RTN1: variants seen among roughly 807,000 people sequenced by gnomAD.
RTN1 encodes reticulon 1.
Under a neutral mutation model 65.5 loss-of-function variants are expected in RTN1, and 25 were observed. The observed-to-expected ratio is 0.38, with a 90% confidence interval of 0.28 to 0.53. The LOEUF (loss-of-function observed/expected upper bound fraction) is 0.53. RTN1 is among the 20% of genes least tolerant of loss of function. RTN1 has a pLI of 0.79. For missense variants in RTN1, 983 were observed against 1,025.4 expected (o/e 0.96, Z 0.57); for synonymous variants, 471 against 447.6 (o/e 1.05, Z -0.66).
chr14:59,747,526 T>C (rs940786177), intron 1 of RTN1, among the ~76,000 whole-genome samples: 5 of 152,194 alleles, frequency 3.3e-5, no homozygotes, highest in Non-Finnish European at 5.9e-5. Context: ...GGAGAATTGC[T>C]TGAACCCAGG....
chr14:59,610,397 C>A (rs530375282), intron 3 of RTN1, among the ~76,000 whole-genome samples: 3 of 152,180 alleles, frequency 2.0e-5, no homozygotes, highest in Admixed American at 1.3e-4. Flanking sequence ...CACTTTGCAA[C>A]AATATTATCT....
intron 1 of RTN1, among the ~76,000 whole-genome samples, chr14:59,851,534 T>TA (rs1887507074): frequency 1.3e-5 from 2 of 151,314 alleles, no homozygotes; most frequent in African/African-American, 2.4e-5. Flanking sequence ...AAAAATATGA[T>TA]TTTTTTTTGT....
intron 1 of RTN1, among the ~76,000 whole-genome samples, chr14:59,781,270 AT>A (rs1886150358): frequency 1.3e-5 from 2 of 151,800 alleles, no homozygotes. Flanking sequence ...CTCTTGGGCC[AT>A]TTTCTTTGTT....
chr14:59,727,484 G>T lies in RTN1; in HGVS notation c.1200C>A (p.Asp400Glu). The change falls in exon 3 of 9, where the codon GAC (aspartate) becomes GAA (glutamate). Residue 400 changes from aspartate (D) to glutamate (E), a missense_variant. By Grantham distance (45) the Asp-to-Glu change is conservative. Coordinates refer to ENST00000267484, the MANE Select transcript of RTN1 (RefSeq NM_021136.3). This position sits in a 1 kb window ranked among gnomAD's most constrained non-coding sequence, Gnocchi z 4.2. ...SGPPTIPSPL[D>E]HEASSAESGD... ...CCGACTCCGCGCTGCTGGCCTCGTG[G>T]TCCAGGGGGCTGGGGATGGTTGGCG... 6.3e-7 allele frequency: 1 copy of T among 1,584,974 alleles called. No individual in the cohort carries two copies. Among genetic ancestry groups the T allele is most frequent in the Non-Finnish European group, 8.6e-7 (1 of 1,166,276 alleles).
chr14:59,746,122 T>C lies in RTN1; in HGVS notation c.601A>G (p.Arg201Gly). The C allele has an allele frequency of 1.2e-6, 2 of 1,611,356 alleles. No individual in the cohort carries two copies. ...AEAYKYIDIT[R>G]PEEVKHQEQH... ...TCTTGGTGCTTCACCTCCTCGGGTC[T>C]GGTTATGTCAATGTATTTATAGGCC... is the stretch of plus-strand genomic sequence containing the variant. Residue 201 changes from arginine (R) to glycine (G), a missense_variant, in exon 2 of 9, where the codon AGA becomes GGA. Physicochemically the swap from Arg to Gly is moderately radical, Grantham distance 125. Transcript: ENST00000267484.
intron 3 of RTN1, among the ~76,000 whole-genome samples, chr14:59,651,022 A>T (rs1367140264): frequency 1.3e-5 from 2 of 151,882 alleles, no homozygotes; most frequent in East Asian, 1.9e-4. Flanking sequence ...AAACTAGAAA[A>T]AAACTATTTT....
At chr14:59,792,855 T>G (rs896019941) in intron 1 of RTN1, among the ~76,000 whole-genome samples, 1 of 152,158 alleles carries the variant, frequency 6.6e-6, no homozygotes, top group Admixed American at 6.6e-5. Flanking sequence ...AGGGAATTAT[T>G]AAAAAGCAAT....
rs750467377 is a variant in RTN1 at position 59,746,450 on chromosome 14, G to A, written c.273C>T (p.His91=). The change falls in exon 2 of 9, where the codon CAC becomes CAT. Residue 91 remains histidine (H), a synonymous_variant. Transcript: ENST00000267484. The part of the protein sequence containing the change: ...GVAGVSSAMD[H]TFSTTSKDGE... The stretch of plus-strand genomic sequence containing the variant: ...CATCTTTTGATGTTGTTGAGAAGGT[G>A]TGGTCCATGGCACTGGAAACACCTG... The A allele has an allele frequency of 3.7e-6, 6 of 1,604,486 alleles. No homozygotes were observed. Among genetic ancestry groups the A allele is most frequent in the Non-Finnish European group, 5.1e-6 (6 of 1,175,396 alleles).
chr14:59,742,287 C>G (rs191195401), intron 2 of RTN1, among the ~76,000 whole-genome samples: 2 of 152,290 alleles, frequency 1.3e-5, no homozygotes, highest in East Asian at 3.9e-4. Flanking sequence ...AGGCTAATAG[C>G]TCACATAACA....
In RTN1 at chr14:59,846,512, A is replaced by G. The variant is rs1467889304; in HGVS notation, c.241+23878T>C. ...TTCACCTCAGAGTCCCTACCCAGAC[A>G]CCCTTCTGTTCAGTGTTTCTCAGTG... On this transcript the variant is annotated intron_variant, in intron 1 of 8. Coordinates refer to ENST00000267484, the MANE Select transcript of RTN1 (RefSeq NM_021136.3). The surrounding 1 kb of genome is among the most constrained non-coding windows in gnomAD (Gnocchi z 4.8). 6.6e-6 allele frequency among the ~76,000 whole-genome samples: 1 copy of G among 151,794 alleles called. No individual in the cohort carries two copies. The highest frequency in any genetic ancestry group is 2.4e-5 in the African/African-American group (1 of 41,284).
intron 1 of RTN1, among the ~76,000 whole-genome samples, chr14:59,801,417 C>T (rs1886543896): frequency 6.6e-6 from 1 of 152,038 alleles, no homozygotes. Flanking sequence ...TTATCAGAAA[C>T]TATGCAAGCC....
At chr14:59,676,144 A>G (rs1883622407) in intron 3 of RTN1, among the ~76,000 whole-genome samples, 1 of 152,198 alleles carries the variant, frequency 6.6e-6, no homozygotes, top group Non-Finnish European at 1.5e-5. Flanking sequence ...ACATCCATTA[A>G]ATAAATAAAC....
chr14:59,664,042 C>G (rs1883309631), intron 3 of RTN1, among the ~76,000 whole-genome samples: 1 of 151,946 alleles, frequency 6.6e-6, no homozygotes, highest in African/African-American at 2.4e-5. Flanking sequence ...GCACTATTCA[C>G]AATAGCAAAG....
At chr14:59,765,677 G>A (rs189294470) in intron 1 of RTN1, among the ~76,000 whole-genome samples, 199 of 152,012 alleles carry the variant, frequency 1.3e-3, no homozygotes, top group Non-Finnish European at 2.2e-3. Flanking sequence ...TTTATAAAAC[G>A]TAAGCAGAAA....
chr14:59,733,079 C>CTTTTTTTTT (rs5809048), intron 2 of RTN1, among the ~76,000 whole-genome samples: 8 of 145,800 alleles, frequency 5.5e-5, no homozygotes, highest in Non-Finnish European at 1.2e-4. Flanking sequence ...GGTCAGACTG[C>CTTTTTTTTT]TTTTTTTTTT....
At chr14:59,789,959 AG>A (rs940098110) in intron 1 of RTN1, among the ~76,000 whole-genome samples, 5 of 152,132 alleles carry the variant, frequency 3.3e-5, no homozygotes, top group Non-Finnish European at 4.4e-5. Flanking sequence ...TTCATATAAA[AG>A]TATAAAAATG....
At chr14:59,632,592 G>A (rs530127672) in intron 3 of RTN1, among the ~76,000 whole-genome samples, 5 of 152,064 alleles carry the variant, frequency 3.3e-5, no homozygotes, top group Admixed American at 2.0e-4. Flanking sequence ...CATTCCCTAA[G>A]TCCAGAAGGT....
At chr14:59,705,997 C>T (rs1261182115) in intron 3 of RTN1, among the ~76,000 whole-genome samples, 1 of 152,166 alleles carries the variant, frequency 6.6e-6, no homozygotes, top group African/African-American at 2.4e-5. Flanking sequence ...AATTCTCTTA[C>T]CTGACTAAGG....
At chr14:59,652,142 C>A (rs1214114124) in intron 3 of RTN1, among the ~76,000 whole-genome samples, 2 of 152,162 alleles carry the variant, frequency 1.3e-5, no homozygotes, top group East Asian at 3.9e-4. Context: ...CCATCCCACA[C>A]CAGTCAGAAT....
Sources: allele counts gnomAD v4.1 joint callset (sites outside exome capture counted in the v4.1 genomes callset), GRCh38; gene constraint gnomAD v4.1.1; non-coding constraint Gnocchi (gnomAD v3.1); transcripts MANE v1.5; gene names NCBI Gene and HGNC (gene_info 2026-07-23, HGNC 2026-07-21).